Variants in MPPED1 observed in about 807,000 individuals in gnomAD.
MPPED1 encodes the protein metallophosphoesterase domain-containing protein 1.
Under a neutral mutation model 36.2 loss-of-function variants are expected in MPPED1, and 16 were observed. That is an observed-to-expected ratio of 0.44 (90% CI 0.30 to 0.67). The LOEUF (loss-of-function observed/expected upper bound fraction) is 0.67. Ranked by LOEUF, MPPED1 falls within the 30% of genes least tolerant of loss-of-function variation. MPPED1 has a pLI of 0.10. For missense variants in MPPED1, 307 were observed against 453.4 expected (o/e 0.68, Z 2.93); for synonymous variants, 199 against 191.3 (o/e 1.04, Z -0.33).
At chr22:43,458,095 G>A (rs1001301454) in intron 3 of MPPED1, among the ~76,000 whole-genome samples, 1 of 152,076 alleles carries the variant, frequency 6.6e-6, no homozygotes, top group Non-Finnish European at 1.5e-5. Flanking sequence ...TATAGCTTTG[G>A]TATGTAGTAG....
chr22:43,470,104 AATC>A (rs1569080274), intron 3 of MPPED1, among the ~76,000 whole-genome samples: 1 of 131,214 alleles, frequency 7.6e-6, no homozygotes, highest in Non-Finnish European at 1.7e-5. Flanking sequence ...TCCATCCATA[AATC>A]ATCCATCCAT....
intron 3 of MPPED1, among the ~76,000 whole-genome samples, chr22:43,463,066 A>AT (rs1601979473): frequency 6.6e-6 from 1 of 151,790 alleles, no homozygotes; most frequent in East Asian, 1.9e-4. Context: ...TTTGGAAGGC[A>AT]TTTTTCCTTT....
At chr22:43,420,426 A>G (rs1401292272) in intron 1 of MPPED1, among the ~76,000 whole-genome samples, 1 of 147,048 alleles carries the variant, frequency 6.8e-6, no homozygotes, top group Non-Finnish European at 1.5e-5. Context: ...TTTTTTTGAG[A>G]TGGAGTCTCA....
chr22:43,419,507 T>G (rs1569062371), intron 1 of MPPED1, among the ~76,000 whole-genome samples: 1 of 152,138 alleles, frequency 6.6e-6, no homozygotes, highest in Non-Finnish European at 1.5e-5. Flanking sequence ...AAAGCCTGCA[T>G]GACTGAGCCG....
chr22:43,505,699 C>T lies in MPPED1; in HGVS notation c.*83C>T. On this transcript the variant is annotated 3_prime_UTR_variant, in exon 7 of 7. Transcript: ENST00000443721. Reference sequence around the variant, plus strand: ...CCACTGTTCCTTCCATGCTGAGTTGCCTGGACGACCCATCTGGCTGCGGGG... The same window carrying T: ...CCACTGTTCCTTCCATGCTGAGTTGTCTGGACGACCCATCTGGCTGCGGGG... The T allele has an allele frequency of 3.2e-6, 4 of 1,260,422 alleles. No homozygotes were observed. In the South Asian group the frequency reaches 4.1e-5, roughly 13 times the overall value. 78.1% of individuals were successfully genotyped at this position (1,260,422 alleles called of 1,614,324 possible).
chr22:43,413,379 C>CA (rs569176150), intron 1 of MPPED1, among the ~76,000 whole-genome samples: 45,837 of 111,264 alleles, frequency 0.41, 8,048 homozygotes, highest in East Asian at 0.67. Context: ...CTGGACTTTG[C>CA]AAAAAAAAAA....
At chr22:43,483,157 G>T (rs746762881) in intron 4 of MPPED1, among the ~76,000 whole-genome samples, 4 of 152,246 alleles carry the variant, frequency 2.6e-5, no homozygotes, top group Non-Finnish European at 5.9e-5. Flanking sequence ...ACAGTGAGCT[G>T]CCAGAATGCT....
chr22:43,476,621 T>C (rs545508754), intron 4 of MPPED1, among the ~76,000 whole-genome samples: 38 of 152,196 alleles, frequency 2.5e-4, no homozygotes, highest in African/African-American at 8.4e-4. Flanking sequence ...CATCTTGCCA[T>C]AGCCTCCTCA....
intron 1 of MPPED1, among the ~76,000 whole-genome samples, chr22:43,421,617 C>A (rs1929278140): frequency 6.6e-6 from 1 of 152,192 alleles, no homozygotes; most frequent in Non-Finnish European, 1.5e-5. Context: ...TTCAGCTAAG[C>A]TCTCCTGACA....
At position 43,425,497 on chromosome 22, in the gene MPPED1, A is replaced by G. The variant is rs564773593; in HGVS notation, c.224+288A>G. Among the ~76,000 whole-genome samples, 6 of 152,248 alleles carry G rather than the reference A, an allele frequency of 3.9e-5. No individual in the cohort carries two copies. The South Asian group carries it at 6.2e-4, about 16-fold the overall frequency. On this transcript the variant is annotated intron_variant, in intron 2 of 6. Coordinates refer to ENST00000443721, the MANE Select transcript of MPPED1 (RefSeq NM_001044370.2). ...GAGGTGGATGCACAGAAAACTCCAG[A>G]CTTCTGGCTTCACTTTATAAAACCC... is the stretch of plus-strand genomic sequence containing the variant.
intron 4 of MPPED1, among the ~76,000 whole-genome samples, chr22:43,495,184 G>A (rs1255656485): frequency 6.7e-6 from 1 of 150,228 alleles, no homozygotes; most frequent in Non-Finnish European, 1.5e-5. Flanking sequence ...GTGTGATGGA[G>A]GTGGTGATGA....
Position 43,474,602 on chromosome 22 carries a change from C to A in MPPED1, c.407-134C>A. The A allele has an allele frequency of 2.6e-6, 4 of 1,524,706 alleles. No homozygotes were observed. The highest frequency in any genetic ancestry group is 2.7e-6 in the Non-Finnish European group (3 of 1,115,074). The allele number at this position is 1,524,706 out of a possible 1,614,324, so 94.4% of individuals were successfully genotyped here. A position where few individuals can be genotyped will look rare whatever the true frequency, so the allele number is the denominator to read the frequency against. ...CCCTATGAGTACAAGATCGTGATCG[C>A]GGGCAACCACGAGCTGACCTTTGAC... On this transcript the variant is annotated intron_variant, in intron 3 of 6. Coordinates refer to ENST00000443721, the MANE Select transcript of MPPED1 (RefSeq NM_001044370.2). This position sits in a 1 kb window ranked among gnomAD's most constrained non-coding sequence, Gnocchi z 5.2.
intron 3 of MPPED1, among the ~76,000 whole-genome samples, chr22:43,464,445 C>T (rs1931091385): frequency 6.6e-6 from 1 of 152,052 alleles, no homozygotes; most frequent in Non-Finnish European, 1.5e-5. Context: ...CCAGTTTTTG[C>T]TTTCCAAGTC....
Position 43,457,791 on chromosome 22 carries a change from G to C in MPPED1, c.407-16945G>C, listed in dbSNP as rs1191735626. Among the ~76,000 whole-genome samples, 16 of 152,038 alleles carry C rather than the reference G, an allele frequency of 1.1e-4. 1 individual carries two copies. The highest frequency in any genetic ancestry group is 1.0e-3 in the Admixed American group (16 of 15,262). ...TATACAAAAACTGTGCTCTAATGTAGAGTTCTATGCCCTCCCCCTCCTTTA... is the reference window on the plus strand; with the variant it reads ...TATACAAAAACTGTGCTCTAATGTACAGTTCTATGCCCTCCCCCTCCTTTA... On this transcript the variant is annotated intron_variant, in intron 3 of 6. Coordinates refer to ENST00000443721, the MANE Select transcript of MPPED1 (RefSeq NM_001044370.2).
Position 43,448,602 on chromosome 22 carries a change from AT to A in MPPED1, c.406+13390del, listed in dbSNP as rs1930448216. ...TTTTTATTTATTTATTTATTTATTT[AT>A]TTATTTATTTATTTATTGAGACAGA... On this transcript the variant is annotated intron_variant, in intron 3 of 6. Transcript: ENST00000443721. 4.0e-5 allele frequency among the ~76,000 whole-genome samples: 6 copies of A among 150,816 alleles called. No homozygotes were observed. The South Asian group carries it at 1.3e-3, about 32-fold the overall frequency.
At chr22:43,436,315 G>T (rs1252409801) in intron 3 of MPPED1, among the ~76,000 whole-genome samples, 1 of 152,106 alleles carries the variant, frequency 6.6e-6, no homozygotes, top group Non-Finnish European at 1.5e-5. Flanking sequence ...CCACGTGGCT[G>T]CCAGACGGTC....
intron 4 of MPPED1, among the ~76,000 whole-genome samples, chr22:43,485,922 C>T (rs1931900128): frequency 6.6e-6 from 1 of 152,274 alleles, no homozygotes; most frequent in Non-Finnish European, 1.5e-5. Context: ...CTCCGCACTG[C>T]CCTGTCCCCT....
chr22:43,476,408 G>T (rs933923315), intron 4 of MPPED1, among the ~76,000 whole-genome samples: 5 of 152,104 alleles, frequency 3.3e-5, no homozygotes, highest in African/African-American at 1.2e-4. Flanking sequence ...GAGTAACGTG[G>T]CCTGAGGCTG....
chr22:43,499,743 GTGGTGATGGTGA>G (rs1932582427), intron 5 of MPPED1, among the ~76,000 whole-genome samples: 1 of 40,948 alleles, frequency 2.4e-5, no homozygotes, highest in Non-Finnish European at 6.0e-5. Context: ...GGGGGTGGTG[GTGGTGATGGTGA>G]TGGAGGTGGC....
Sources: gnomAD v4.1 joint callset for allele counts (sites outside exome capture counted in the v4.1 genomes callset) on GRCh38, gnomAD v4.1.1 for gene constraint, Gnocchi (gnomAD v3.1) non-coding constraint, MANE v1.5 for transcripts, NCBI Gene and HGNC (gene_info 2026-07-23, HGNC 2026-07-21) for gene names.